Variants in PACS1 observed in about 807,000 individuals in gnomAD.
The protein encoded by PACS1 is PACS-1.
In PACS1, 24 loss-of-function variants were observed where a neutral mutation model predicts 115.0. The observed-to-expected ratio is 0.21, with a 90% CI of 0.15 to 0.29. PACS1 has a LOEUF of 0.29. Among genes scored for constraint, PACS1 ranks in the 10% least tolerant of loss-of-function variants. The pLI, the probability that PACS1 is intolerant of heterozygous loss-of-function variation, is 1.00. For synonymous variants in PACS1, 453 were observed against 504.5 expected (o/e 0.90, Z 1.37); for missense variants, 838 against 1,251.2 (o/e 0.67, Z 4.98).
At chr11:66,099,950 G>A (rs1013721636) in intron 1 of PACS1, among the ~76,000 whole-genome samples, 14 of 137,058 alleles carry the variant, frequency 1.0e-4, no homozygotes, top group African/African-American at 3.5e-4. Flanking sequence ...CTGCAACCTC[G>A]GCTCACTGCA....
chr11:66,142,290 C>T (rs568855959), intron 1 of PACS1, among the ~76,000 whole-genome samples: 113 of 152,168 alleles, frequency 7.4e-4, no homozygotes, highest in African/African-American at 2.6e-3. Flanking sequence ...ATGTGTTCAT[C>T]GCTTAAGAAT....
chr11:66,206,579 G>A (rs980288402), intron 2 of PACS1, among the ~76,000 whole-genome samples: 2 of 152,222 alleles, frequency 1.3e-5, no homozygotes, highest in Non-Finnish European at 2.9e-5. Flanking sequence ...AGTTTTACAG[G>A]TATTTAGAGC....
intron 13 of PACS1, among the ~76,000 whole-genome samples, chr11:66,231,264 T>G (rs536284606): frequency 1.5e-4 from 23 of 152,356 alleles, no homozygotes; most frequent in African/African-American, 5.5e-4. Flanking sequence ...GTCTGGAGAT[T>G]GTGCCGTGAA....
At chr11:66,171,879 T>A (rs1859748284) in intron 1 of PACS1, among the ~76,000 whole-genome samples, 1 of 152,056 alleles carries the variant, frequency 6.6e-6, no homozygotes, top group Admixed American at 6.6e-5. Flanking sequence ...GCGCCCGGCC[T>A]CATTCCATTT....
chr11:66,182,339 G>T (rs576992158), intron 1 of PACS1, among the ~76,000 whole-genome samples: 2 of 152,234 alleles, frequency 1.3e-5, no homozygotes, highest in South Asian at 2.1e-4. Flanking sequence ...TATCCCTAAG[G>T]ATGTTCCTTA....
rs750651590 is a variant in PACS1, at chr11:66,216,675, C to G, written c.898-20C>G. 5 of 1,612,502 alleles carry G rather than the reference C, an allele frequency of 3.1e-6. No homozygotes were observed. The highest frequency in any genetic ancestry group is 3.4e-6 in the Non-Finnish European group (4 of 1,178,532). ...GCTCCTGGGGTTTCCCACCCTCATT[C>G]TGTCCCTGTACCCACTTAGGACTTG... On this transcript the variant is annotated intron_variant, in intron 6 of 23. Coordinates refer to ENST00000320580, the MANE Select transcript of PACS1 (RefSeq NM_018026.4).
At chr11:66,237,309 G>A (rs1401106796) in intron 19 of PACS1, among the ~76,000 whole-genome samples, 3 of 152,220 alleles carry the variant, frequency 2.0e-5, no homozygotes, top group African/African-American at 7.2e-5. Flanking sequence ...AGATCCACCT[G>A]CCTCAGCCTC....
At chr11:66,234,094 C>G (rs755738432) in intron 16 of PACS1, 38 bp from the exon 17 acceptor site, 6 of 1,549,626 alleles carry the variant, frequency 3.9e-6, no homozygotes, top group East Asian at 2.2e-5. Context: ...TGTCTCATCT[C>G]CTGACGAATT....
At chr11:66,125,893 A>T (rs750426444) in intron 1 of PACS1, among the ~76,000 whole-genome samples, 12 of 152,004 alleles carry the variant, frequency 7.9e-5, no homozygotes, top group Admixed American at 2.0e-4. Context: ...TACAAAAATT[A>T]GTCATGCATG....
At chr11:66,081,466 C>A (rs540722727) in intron 1 of PACS1, among the ~76,000 whole-genome samples, 45 of 152,216 alleles carry the variant, frequency 3.0e-4, no homozygotes, top group African/African-American at 9.2e-4. Flanking sequence ...AACAAACATG[C>A]TTTCTTTCTA....
At chr11:66,144,755 T>A (rs1046733948) in intron 1 of PACS1, among the ~76,000 whole-genome samples, 1 of 152,188 alleles carries the variant, frequency 6.6e-6, no homozygotes, top group Non-Finnish European at 1.5e-5. Context: ...TGCCTTGGCC[T>A]CCCAAGTAGC....
At chr11:66,097,379 G>A (rs1296496184) in intron 1 of PACS1, among the ~76,000 whole-genome samples, 3 of 152,108 alleles carry the variant, frequency 2.0e-5, no homozygotes, top group Admixed American at 6.6e-5. Flanking sequence ...CTATGGAGAC[G>A]GCCCTGTGGC....
At chr11:66,189,897 T>G (rs940880462) in intron 1 of PACS1, among the ~76,000 whole-genome samples, 7 of 152,204 alleles carry the variant, frequency 4.6e-5, no homozygotes, top group Non-Finnish European at 8.8e-5. Context: ...GGAAAGGCAC[T>G]CAAGGCATTG....
intron 1 of PACS1, among the ~76,000 whole-genome samples, chr11:66,122,768 T>G (rs1169902050): frequency 2.6e-5 from 4 of 152,196 alleles, no homozygotes; most frequent in Admixed American, 2.6e-4. Context: ...GAGATAAAAT[T>G]TGAACAGATG....
Position 66,243,526 on chromosome 11 carries a change from C to T in PACS1, c.*246C>T, listed in dbSNP as rs575175087. On this transcript the variant is annotated 3_prime_UTR_variant, in exon 24 of 24. Transcript: ENST00000320580. ...TCTCCCTCCTGCTCCAGGCCCAAGG[C>T]GTGTTGGTTTTGCCTTCTGGTGCCC... The T allele has an allele frequency of 1.2e-4, 65 of 535,484 alleles. 1 individual carries two copies. The highest frequency in any genetic ancestry group is 9.9e-4 in the Middle Eastern group (2 of 2,014). The allele number at this position is 535,484 out of a possible 1,614,324, so 33.2% of individuals were successfully genotyped here. A position where few individuals can be genotyped will look rare whatever the true frequency, so the allele number is the denominator to read the frequency against.
intron 1 of PACS1, among the ~76,000 whole-genome samples, chr11:66,119,189 C>T (rs1188445270): frequency 6.6e-6 from 1 of 152,180 alleles, no homozygotes; most frequent in Non-Finnish European, 1.5e-5. Flanking sequence ...CTCTGTGGCC[C>T]ACGACCTGTT....
chr11:66,216,797 A>T, intron 7 of PACS1, 22 bp downstream of exon 7: 2 of 1,579,778 alleles, frequency 1.3e-6, no homozygotes, highest in Non-Finnish European at 1.7e-6. Flanking sequence ...AGGTCTGGGG[A>T]GTGGTTGGCT....
intron 2 of PACS1, among the ~76,000 whole-genome samples, chr11:66,204,958 A>G (rs1450113673): frequency 1.3e-5 from 2 of 152,074 alleles, no homozygotes; most frequent in Non-Finnish European, 2.9e-5. Flanking sequence ...CCTGAGCACC[A>G]TAGTGAAACC....
chr11:66,211,417 T>C (rs941824721), intron 4 of PACS1, among the ~76,000 whole-genome samples, 158 bp downstream of exon 4: 2 of 152,140 alleles, frequency 1.3e-5, no homozygotes, highest in African/African-American at 4.8e-5. Context: ...AAATTCAGAG[T>C]ATACTTGTTT....
Sources: gnomAD v4.1 joint callset for allele counts (sites outside exome capture counted in the v4.1 genomes callset) on GRCh38, gnomAD v4.1.1 for gene constraint, MANE v1.5 for transcripts, NCBI Gene and HGNC (gene_info 2026-07-23, HGNC 2026-07-21) for gene names.